TNKS: variants seen among roughly 807,000 people sequenced by gnomAD.
TNKS encodes the protein tankyrase, also known as poly [ADP-ribose] polymerase tankyrase-1.
In TNKS, 72 loss-of-function variants were observed where a neutral mutation model predicts 135.8. That is an observed-to-expected ratio of 0.53 (90% CI 0.44 to 0.64). TNKS has a LOEUF of 0.64. Ranked by LOEUF, TNKS falls within the 30% of genes least tolerant of loss-of-function variation. TNKS has a pLI of 0.00. For synonymous variants in TNKS, 849 were observed against 649.3 expected, an observed-to-expected ratio of 1.31 and a Z score of -4.68; for missense variants, 1,769 against 1,674.0, an observed-to-expected ratio of 1.06 and a Z score of -0.99.
intron 1 of TNKS, among the ~76,000 whole-genome samples, chr8:9,571,284 A>C (rs917027410): frequency 1.3e-5 from 2 of 152,132 alleles, no homozygotes; most frequent in Non-Finnish European, 2.9e-5. Context: ...CAGTTTCTTA[A>C]CCTGTATCTA....
chr8:9,713,677 T>C (rs1804443318), intron 11 of TNKS, among the ~76,000 whole-genome samples: 2 of 152,310 alleles, frequency 1.3e-5, no homozygotes, highest in African/African-American at 2.4e-5. Flanking sequence ...ATCAGAGTTA[T>C]GAACCCATAG....
intron 3 of TNKS, among the ~76,000 whole-genome samples, chr8:9,653,812 G>A (rs1801237898): frequency 6.6e-6 from 1 of 152,024 alleles, no homozygotes; most frequent in African/African-American, 2.4e-5. Flanking sequence ...TCTTTCTGCT[G>A]GCTCCCCTCA....
chr8:9,669,424 C>CAA (rs536063027), intron 3 of TNKS, among the ~76,000 whole-genome samples: 23 of 94,852 alleles, frequency 2.4e-4, no homozygotes, highest in Admixed American at 1.2e-3. Context: ...GACTCCGCCT[C>CAA]AAAAAAAAAA....
Position 9,752,636 on chromosome 8 carries a change from C to G in TNKS, c.3153+10C>G. The G allele has an allele frequency of 6.4e-7, 1 of 1,569,896 alleles. No homozygotes were observed. Among genetic ancestry groups the G allele is most frequent in the Non-Finnish European group, 8.7e-7 (1 of 1,143,404 alleles). The stretch of plus-strand genomic sequence containing the variant: ...CTTTGAAACAGAACAGGTAAATACT[C>G]TTGTATATATTTGAGTCATTTAAAT... On this transcript the variant is annotated intron_variant, in intron 20 of 26. Transcript: ENST00000310430.
rs35736850 is a variant in TNKS, at chr8:9,680,715, CT to C, written c.1032-5del. The C allele has an allele frequency of 6.3e-7, 1 of 1,592,182 alleles. No homozygotes were observed. The highest frequency in any genetic ancestry group is 1.1e-5 in the South Asian group (1 of 87,970). The stretch of plus-strand genomic sequence containing the variant: ...AATTTTAGAGGAATTGACTTACTAC[CT>C]TTTTATAGGAGTGGTAATGAAGAAA... On this transcript the variant is annotated splice_polypyrimidine_tract_variant and intron_variant, in intron 4 of 26. Transcript: ENST00000310430.
chr8:9,560,569 T>G (rs1301890184), intron 1 of TNKS, among the ~76,000 whole-genome samples: 1 of 139,542 alleles, frequency 7.2e-6, no homozygotes, highest in African/African-American at 2.7e-5. Flanking sequence ...ATAATAGAAG[T>G]CACCATATAC....
At chr8:9,661,793 G>A (rs904621768) in intron 3 of TNKS, among the ~76,000 whole-genome samples, 15 of 152,132 alleles carry the variant, frequency 9.9e-5, no homozygotes, top group East Asian at 1.9e-4. Flanking sequence ...CAGAGTGAAC[G>A]GGCTACCTAC....
In TNKS at chr8:9,575,893, C is replaced by G. The variant is rs570058595; in HGVS notation, c.674-4266C>G. ...ATAAGAAGTGTAGTGGTAGGAAATT[C>G]AAGAGTTGGTTTCAGTTCTGTGAAC... On this transcript the variant is annotated intron_variant, in intron 1 of 26. Transcript: ENST00000310430. Among the ~76,000 whole-genome samples, 9 of 152,220 alleles carry G rather than the reference C, an allele frequency of 5.9e-5. 1 individual carries two copies. Among genetic ancestry groups the G allele is most frequent in the African/African-American group, 1.7e-4 (7 of 41,530 alleles).
At chr8:9,677,004 T>TC (rs1268103784) in intron 3 of TNKS, among the ~76,000 whole-genome samples, 2 of 152,176 alleles carry the variant, frequency 1.3e-5, no homozygotes, top group Non-Finnish European at 2.9e-5. Flanking sequence ...TATTTTCAGA[T>TC]TCTCAGCTAA....
intron 20 of TNKS, among the ~76,000 whole-genome samples, chr8:9,758,780 T>G (rs1806986387): frequency 2.0e-5 from 3 of 152,232 alleles, no homozygotes; most frequent in African/African-American, 2.4e-5. Context: ...GGAGTATTAC[T>G]TACCTGCTGC....
intron 1 of TNKS, among the ~76,000 whole-genome samples, chr8:9,572,664 G>C (rs1226305112): frequency 2.6e-5 from 4 of 152,156 alleles, no homozygotes; most frequent in African/African-American, 9.7e-5. Flanking sequence ...GAATTAGAAA[G>C]TCATGTTGAG....
intron 3 of TNKS, among the ~76,000 whole-genome samples, chr8:9,632,169 A>G (rs1374983414): frequency 1.3e-5 from 2 of 152,150 alleles, no homozygotes; most frequent in Non-Finnish European, 2.9e-5. Context: ...TTCAAATTCA[A>G]CTGCAGTTTT....
chr8:9,606,202 T>A (rs1799214362), intron 2 of TNKS, among the ~76,000 whole-genome samples: 1 of 134,712 alleles, frequency 7.4e-6, no homozygotes, highest in Non-Finnish European at 1.6e-5. Flanking sequence ...TTCAGCATGA[T>A]TTGTTGAATA....
chr8:9,585,018 C>G (rs1190248699), intron 2 of TNKS, among the ~76,000 whole-genome samples: 1 of 151,974 alleles, frequency 6.6e-6, no homozygotes, highest in East Asian at 1.9e-4. Flanking sequence ...AGACAACAAT[C>G]AGAATACATA....
intron 15 of TNKS, 108 bp from the exon 16 acceptor site, chr8:9,734,757 A>G: frequency 1.1e-6 from 1 of 916,106 alleles, no homozygotes; most frequent in Non-Finnish European, 1.6e-6. Flanking sequence ...CATATAGAGT[A>G]GATATCTTCC....
chr8:9,629,235 A>G (rs1800188155), intron 3 of TNKS, among the ~76,000 whole-genome samples: 1 of 152,158 alleles, frequency 6.6e-6, no homozygotes, highest in African/African-American at 2.4e-5. Flanking sequence ...TAATAGCAAG[A>G]CTTCCTTGTT....
intron 1 of TNKS, among the ~76,000 whole-genome samples, chr8:9,567,291 G>A (rs560147803): frequency 6.6e-6 from 1 of 152,282 alleles, no homozygotes; most frequent in South Asian, 2.1e-4. Context: ...TAGAATGTTG[G>A]GACTATCTGG....
At chr8:9,642,526 T>G (rs965653503) in intron 3 of TNKS, among the ~76,000 whole-genome samples, 2 of 146,614 alleles carry the variant, frequency 1.4e-5, no homozygotes, top group African/African-American at 5.0e-5. Flanking sequence ...ATGTCATCCT[T>G]CATAAACGTG....
At chr8:9,624,379 A>C (rs746048480) in intron 3 of TNKS, among the ~76,000 whole-genome samples, 1 of 152,246 alleles carries the variant, frequency 6.6e-6, no homozygotes, top group African/African-American at 2.4e-5. Flanking sequence ...ATGCTTTGCT[A>C]TTGTAATGGT....
Sources: gnomAD v4.1 joint callset for allele counts (sites outside exome capture counted in the v4.1 genomes callset) on GRCh38, gnomAD v4.1.1 for gene constraint, MANE v1.5 for transcripts, NCBI Gene and HGNC (gene_info 2026-07-23, HGNC 2026-07-21) for gene names.